Variants in AGAP1 observed in about 807,000 individuals in gnomAD.
AGAP1 encodes the protein arf-GAP with GTPase, ANK repeat and PH domain-containing protein 1.
AGAP1 carries 29 observed loss-of-function variants against 105.3 expected under a neutral mutation model. The observed-to-expected ratio is 0.28, with a 90% CI of 0.21 to 0.38. The LOEUF is 0.38. Ranked by LOEUF, AGAP1 falls within the 10% of genes least tolerant of loss-of-function variation. AGAP1 has a pLI of 1.00. For missense variants in AGAP1, 998 were observed against 1,165.1 expected (o/e 0.86, Z 2.09); for synonymous variants, 509 against 485.9 (o/e 1.05, Z -0.63).
At chr2:235,674,651 A>AT in intron 1 of AGAP1, among the ~76,000 whole-genome samples, 1 of 148,848 alleles carries the variant, frequency 6.7e-6, no homozygotes, top group Non-Finnish European at 1.5e-5. Flanking sequence ...TTAATTTCTG[A>AT]TTCCCTTGAT....
At chr2:235,504,357 C>G (rs1479713933) in intron 1 of AGAP1, among the ~76,000 whole-genome samples, 1 of 151,714 alleles carries the variant, frequency 6.6e-6, no homozygotes, top group Admixed American at 6.6e-5. Context: ...CGGGGGCTGT[C>G]AGTGTTTGAG....
In AGAP1 at chr2:236,005,342, T is replaced by C. The variant is rs930641540; in HGVS notation, c.1646-31219T>C. ...TTTTGGTAGAAACGTTGTTTCACCA[T>C]GTTGCCCAGGCTGGTCTCAAACTCC... On this transcript the variant is annotated intron_variant, in intron 13 of 17. Transcript: ENST00000304032. This position sits in a 1 kb window ranked among gnomAD's most constrained non-coding sequence, Gnocchi z 4.1. 2.6e-5 allele frequency among the ~76,000 whole-genome samples: 4 copies of C among 152,076 alleles called. No individual in the cohort carries two copies. Among genetic ancestry groups the C allele is most frequent in the Non-Finnish European group, 4.4e-5 (3 of 68,014 alleles).
rs1190279225 is a variant in AGAP1 at position 235,967,396 on chromosome 2, C to G, written c.1484-1066C>G. Among the ~76,000 whole-genome samples the G allele has an allele frequency of 6.6e-6, 1 of 152,158 alleles. No homozygotes were observed. The highest frequency in any genetic ancestry group is 6.6e-5 in the Admixed American group (1 of 15,220). ...CGTTCCTATTCGGTCTTTCCCATAA[C>G]TCTTACCAGCTTCTGATGGACTCCA... On this transcript the variant is annotated intron_variant, in intron 12 of 17. Transcript: ENST00000304032. The surrounding 1 kb of genome is among the most constrained non-coding windows in gnomAD (Gnocchi z 4.7).
rs1422650726 is a variant in AGAP1 at position 235,843,258 on chromosome 2, G to A, written c.1050+35927G>A. 6.6e-6 allele frequency among the ~76,000 whole-genome samples: 1 copy of A among 152,032 alleles called. No individual in the cohort carries two copies. The highest frequency in any genetic ancestry group is 2.4e-5 in the African/African-American group (1 of 41,406). On this transcript the variant is annotated intron_variant, in intron 9 of 17. Coordinates refer to ENST00000304032, the MANE Select transcript of AGAP1 (RefSeq NM_001037131.3). This position sits in a 1 kb window ranked among gnomAD's most constrained non-coding sequence, Gnocchi z 5.9. ...TCGGGAGGACCTGAGCTTCGGCTGCGGCCTTCCAGCCCCCTGGGTCTCACT... is the reference window on the plus strand; with the variant it reads ...TCGGGAGGACCTGAGCTTCGGCTGCAGCCTTCCAGCCCCCTGGGTCTCACT...
intron 16 of AGAP1, among the ~76,000 whole-genome samples, chr2:236,099,712 C>T (rs2059298617): frequency 6.6e-6 from 1 of 152,050 alleles, no homozygotes; most frequent in South Asian, 2.1e-4. Context: ...TCTCCAGGAT[C>T]AGCTAGAGAA....
Position 236,002,873 on chromosome 2 carries a change from T to G in AGAP1, c.1646-33688T>G, listed in dbSNP as rs2056181529. Among the ~76,000 whole-genome samples the G allele has an allele frequency of 6.6e-6, 1 of 151,966 alleles. No homozygotes were observed. Among genetic ancestry groups the G allele is most frequent in the African/African-American group, 2.4e-5 (1 of 41,370 alleles). ...AAGTGTGATTTGAAAAATGACCAAG[T>G]CTCCTAAGGTGAAGTTTGTGTGTGA... is the stretch of plus-strand genomic sequence containing the variant. On this transcript the variant is annotated intron_variant, in intron 13 of 17. Coordinates refer to ENST00000304032, the MANE Select transcript of AGAP1 (RefSeq NM_001037131.3). This position sits in a 1 kb window ranked among gnomAD's most constrained non-coding sequence, Gnocchi z 4.3.
In AGAP1 at chr2:235,655,911, A is replaced by G. The variant is rs1023598361; in HGVS notation, c.164-53268A>G. On this transcript the variant is annotated intron_variant, in intron 1 of 17. Transcript: ENST00000304032. The surrounding 1 kb of genome is among the most constrained non-coding windows in gnomAD (Gnocchi z 4.3). ...ACCCTGGGTTTTGTATGGAAAAGGG[A>G]GGGGGCAGTGCAGGATGTGGCAAGG... Among the ~76,000 whole-genome samples the G allele has an allele frequency of 6.6e-6, 1 of 152,160 alleles. No individual in the cohort carries two copies. Among genetic ancestry groups the G allele is most frequent in the Non-Finnish European group, 1.5e-5 (1 of 68,036 alleles).
At chr2:235,571,172 C>T (rs1405485365) in intron 1 of AGAP1, among the ~76,000 whole-genome samples, 1 of 152,176 alleles carries the variant, frequency 6.6e-6, no homozygotes, top group Non-Finnish European at 1.5e-5. Context: ...GGACGGTGCT[C>T]AGCCATTCAT....
At position 235,622,814 on chromosome 2, in the gene AGAP1, A is replaced by G. The variant is rs139307121; in HGVS notation, c.164-86365A>G. 6.6e-5 allele frequency among the ~76,000 whole-genome samples: 10 copies of G among 152,160 alleles called. No homozygotes were observed. Among genetic ancestry groups the G allele is most frequent in the Middle Eastern group, 3.4e-3 (1 of 294 alleles). On this transcript the variant is annotated intron_variant, in intron 1 of 17. Coordinates refer to ENST00000304032, the MANE Select transcript of AGAP1 (RefSeq NM_001037131.3). The surrounding 1 kb of genome is among the most constrained non-coding windows in gnomAD (Gnocchi z 5.0). Reference sequence around the variant, plus strand: ...CAGTGAGACTTCAGGGCAGGCACACATGTCGCTTCCTGCACCCACACTGGA... The same window carrying G: ...CAGTGAGACTTCAGGGCAGGCACACGTGTCGCTTCCTGCACCCACACTGGA...
intron 13 of AGAP1, among the ~76,000 whole-genome samples, chr2:236,017,724 A>C (rs1319130569): frequency 1.3e-5 from 2 of 152,218 alleles, no homozygotes; most frequent in Non-Finnish European, 2.9e-5. Flanking sequence ...GTTTGAGTCT[A>C]AGGATCTCTC....
At chr2:236,115,042 C>T (rs2059736525) in intron 16 of AGAP1, among the ~76,000 whole-genome samples, 2 of 152,192 alleles carry the variant, frequency 1.3e-5, no homozygotes, top group South Asian at 2.1e-4. Context: ...CCATGCTGAG[C>T]ATGAGGAGTT....
At chr2:235,637,450 A>AT (rs11293469) in intron 1 of AGAP1, among the ~76,000 whole-genome samples, 416 of 143,788 alleles carry the variant, frequency 2.9e-3, no homozygotes, top group African/African-American at 4.9e-3. Flanking sequence ...TTGTATTATT[A>AT]TTTTTTTTTT....
At position 235,751,256 on chromosome 2, in the gene AGAP1, C is replaced by G. The variant is rs533280727; in HGVS notation, c.673+768C>G. On this transcript the variant is annotated intron_variant, in intron 6 of 17. Coordinates refer to ENST00000304032, the MANE Select transcript of AGAP1 (RefSeq NM_001037131.3). The surrounding 1 kb of genome is among the most constrained non-coding windows in gnomAD (Gnocchi z 5.3). ...AAGGACTGATACTTCTAAAGCCAGT[C>G]TTTTCAAGTTGGAAGCTTGGGAGAG... 5.7e-4 allele frequency among the ~76,000 whole-genome samples: 87 copies of G among 152,284 alleles called. No homozygotes were observed. The highest frequency in any genetic ancestry group is 8.2e-4 in the Non-Finnish European group (56 of 68,016).
intron 6 of AGAP1, among the ~76,000 whole-genome samples, chr2:235,781,641 C>T (rs1337243587): frequency 6.6e-6 from 1 of 152,140 alleles, no homozygotes; most frequent in African/African-American, 2.4e-5. Context: ...GATTCACAGT[C>T]TCGGAGGCAC....
Position 235,891,971 on chromosome 2 carries a change from T to C in AGAP1, c.1155+8522T>C, listed in dbSNP as rs1023174676. 3.9e-5 allele frequency among the ~76,000 whole-genome samples: 6 copies of C among 152,144 alleles called. No individual in the cohort carries two copies. Among genetic ancestry groups the C allele is most frequent in the Non-Finnish European group, 8.8e-5 (6 of 68,024 alleles). Reference sequence around the variant, plus strand: ...GAGTTCAAGACTAGCCTGGCCAATATGGTGAAACCCCATCTCTACTAAAAA... The same window carrying C: ...GAGTTCAAGACTAGCCTGGCCAATACGGTGAAACCCCATCTCTACTAAAAA... On this transcript the variant is annotated intron_variant, in intron 10 of 17. Transcript: ENST00000304032. The surrounding 1 kb of genome is among the most constrained non-coding windows in gnomAD (Gnocchi z 4.2).
intron 6 of AGAP1, among the ~76,000 whole-genome samples, chr2:235,765,589 C>T (rs1954886202): frequency 6.6e-6 from 1 of 152,182 alleles, no homozygotes; most frequent in Non-Finnish European, 1.5e-5. Context: ...GTTCCCTTCT[C>T]CCTGGGCTGA....
rs868129032 is a variant in AGAP1 at position 235,577,875 on chromosome 2, C to T, written c.163+83026C>T. On this transcript the variant is annotated intron_variant, in intron 1 of 17. Coordinates refer to ENST00000304032, the MANE Select transcript of AGAP1 (RefSeq NM_001037131.3). The surrounding 1 kb of genome is among the most constrained non-coding windows in gnomAD (Gnocchi z 4.5). Reference sequence around the variant, plus strand: ...TGGGACCTGATAGTTCGCCTTTGTACGGATGAAAAAAACCAAACACTGAGC... The same window carrying T: ...TGGGACCTGATAGTTCGCCTTTGTATGGATGAAAAAAACCAAACACTGAGC... Among the ~76,000 whole-genome samples, 4 of 151,974 alleles carry T rather than the reference C, an allele frequency of 2.6e-5. No individual in the cohort carries two copies. Among genetic ancestry groups the T allele is most frequent in the Admixed American group, 6.5e-5 (1 of 15,272 alleles).
chr2:235,504,721 T>TCAGTGCTTTC lies in AGAP1; in HGVS notation c.163+9873_163+9882dup, dbSNP rs544323355. On this transcript the variant is annotated intron_variant, in intron 1 of 17. Coordinates refer to ENST00000304032, the MANE Select transcript of AGAP1 (RefSeq NM_001037131.3). The stretch of plus-strand genomic sequence containing the variant: ...CAGCAGCCCCTATCTGGGAAACCTT[T>TCAGTGCTTTC]CAGTGCTTTCAAGGTTCATTTTATG... Among the ~76,000 whole-genome samples, 485 of 152,348 alleles carry TCAGTGCTTTC rather than the reference T, an allele frequency of 3.2e-3. 2 individuals carry two copies. Among genetic ancestry groups the TCAGTGCTTTC allele is most frequent in the African/African-American group, 0.011 (465 of 41,580 alleles).
chr2:236,029,166 G>T (rs1370636295), intron 13 of AGAP1, among the ~76,000 whole-genome samples: 1 of 149,438 alleles, frequency 6.7e-6, no homozygotes, highest in Non-Finnish European at 1.5e-5. Context: ...AGTCATAGTC[G>T]GTATTGTTTT....
Sources: gnomAD v4.1 joint callset for allele counts (sites outside exome capture counted in the v4.1 genomes callset) on GRCh38, gnomAD v4.1.1 for gene constraint, Gnocchi (gnomAD v3.1) non-coding constraint, MANE v1.5 for transcripts, NCBI Gene and HGNC (gene_info 2026-07-23, HGNC 2026-07-21) for gene names.